The following GPC4 variants were observed in gnomAD, a reference collection of about 807,000 sequenced individuals.
The protein encoded by GPC4 is glypican 4, also known as glypican-4.
GPC4 carries 10 observed loss-of-function variants against 35.0 expected under a neutral mutation model. The ratio of observed to expected loss-of-function variants is 0.29; its 90% CI spans 0.18 to 0.48. GPC4 has a LOEUF of 0.48. Ranked by LOEUF, GPC4 falls within the 20% of genes least tolerant of loss-of-function variation. GPC4 has a pLI of 0.99. For missense variants in GPC4, 322 were observed against 451.3 expected, an observed-to-expected ratio of 0.71 and a Z score of 2.60; for synonymous variants, 167 against 170.2, an observed-to-expected ratio of 0.98 and a Z score of 0.15.
intron 1 of GPC4, among the ~76,000 whole-genome samples, chrX:133,349,427 A>G (rs1299334247): frequency 1.8e-5 from 2 of 112,630 alleles, no homozygotes; most frequent in African/African-American, 3.2e-5. Flanking sequence ...ATTCTCAGAT[A>G]GCCTGCCACA....
At chrX:133,353,001 GAA>G (rs2068523542) in intron 1 of GPC4, among the ~76,000 whole-genome samples, 1 of 111,905 alleles carries the variant, frequency 8.9e-6, no homozygotes, top group African/African-American at 3.3e-5. Context: ...GAAGAAGATG[GAA>G]AAGTTATTGC....
Position 133,365,056 on chromosome X carries a change from T to C in GPC4, c.161-25715A>G, listed in dbSNP as rs981842910. Among the ~76,000 whole-genome samples the C allele has an allele frequency of 4.5e-5, 5 of 112,020 alleles. No individual in the cohort carries two copies. In the South Asian group the frequency reaches 1.9e-3, roughly 42 times the overall value. Reference sequence around the variant, plus strand: ...GATTTCTTTTCTCTCTGAAAATTCTTTTTATTCATTACTCAGGCTGCTGGG... The same window carrying C: ...GATTTCTTTTCTCTCTGAAAATTCTCTTTATTCATTACTCAGGCTGCTGGG... On this transcript the variant is annotated intron_variant, in intron 1 of 8. Transcript: ENST00000370828.
intron 1 of GPC4, among the ~76,000 whole-genome samples, chrX:133,361,533 G>A (rs1283151891): frequency 9.2e-6 from 1 of 108,246 alleles, no homozygotes; most frequent in Non-Finnish European, 1.9e-5. Context: ...AGACAACTTG[G>A]ACTCAATGGA....
intron 2 of GPC4, among the ~76,000 whole-genome samples, chrX:133,332,442 C>T (rs1258444952): frequency 1.8e-5 from 2 of 111,374 alleles, no homozygotes; most frequent in African/African-American, 3.3e-5. Context: ...CTCTGTCACC[C>T]AGGCTGGAGT....
intron 1 of GPC4, among the ~76,000 whole-genome samples, chrX:133,390,042 T>C (rs930473207): frequency 1.8e-5 from 2 of 110,964 alleles, no homozygotes; most frequent in African/African-American, 6.5e-5. Context: ...TTCCAGGCAC[T>C]GGCTGAGGCA....
At chrX:133,384,193 C>A (rs370515536) in intron 1 of GPC4, among the ~76,000 whole-genome samples, 1 of 111,625 alleles carries the variant, frequency 9.0e-6, no homozygotes, top group Admixed American at 9.5e-5. Context: ...TAAAAAGGAG[C>A]CATACAGCCT....
intron 2 of GPC4, among the ~76,000 whole-genome samples, chrX:133,337,528 G>A (rs1443608920): frequency 2.7e-5 from 3 of 111,661 alleles, no homozygotes; most frequent in Non-Finnish European, 5.6e-5. Flanking sequence ...CCACTACATT[G>A]TGCTGCCAAC....
intron 4 of GPC4, 146 bp from the exon 5 acceptor site, chrX:133,306,300 T>G: frequency 1.6e-6 from 1 of 613,478 alleles, no homozygotes; most frequent in Non-Finnish European, 2.5e-6. Flanking sequence ...AATTCTTGTT[T>G]TTATGTCTAT....
intron 3 of GPC4, among the ~76,000 whole-genome samples, chrX:133,322,172 G>A (rs1057289429): frequency 1.8e-5 from 2 of 111,722 alleles, no homozygotes; most frequent in African/African-American, 3.3e-5. Context: ...TGGCCAGCAC[G>A]GTGGCTCATG....
chrX:133,328,260 G>A (rs1274858076), intron 2 of GPC4, among the ~76,000 whole-genome samples: 1 of 111,321 alleles, frequency 9.0e-6, no homozygotes, highest in Non-Finnish European at 1.9e-5. Flanking sequence ...CTTTTTAGAT[G>A]GATTCTTACT....
At chrX:133,413,930 C>A (rs1319701674) in intron 1 of GPC4, among the ~76,000 whole-genome samples, 1 of 110,929 alleles carries the variant, frequency 9.0e-6, no homozygotes, top group Non-Finnish European at 1.9e-5. Context: ...CCCACCGGCG[C>A]CAAAATCCGG....
rs2068289984 is a variant in GPC4, at chrX:133,306,098, T to C, written c.934A>G (p.Met312Val). The C allele has an allele frequency of 1.8e-5, 22 of 1,210,747 alleles. No individual in the cohort carries two copies. Among genetic ancestry groups the C allele is most frequent in the Non-Finnish European group, 2.5e-5 (22 of 894,635 alleles). Residue 312 changes from methionine to valine, a missense_variant, in exon 5 of 9, where the codon ATG becomes GTG. This residue lies in a region of GPC4 where 163 missense variants were observed against 277.2 expected (regional missense o/e 0.59). Coordinates refer to ENST00000370828, the MANE Select transcript of GPC4 (RefSeq NM_001448.3). ...GAAATCTTCACATCGATGGGATCCA[T>C]GACCGATTCAATGTTGAAAGGACCC... ...LEGPFNIESV[M>V]DPIDVKISDA...
At chrX:133,411,833 G>T (rs961043318) in intron 1 of GPC4, among the ~76,000 whole-genome samples, 10 of 110,984 alleles carry the variant, frequency 9.0e-5, no homozygotes, top group Admixed American at 5.8e-4. Flanking sequence ...AAGTACAGGG[G>T]TCAAGCAGAC....
chrX:133,333,882 T>C (rs1370857792), intron 2 of GPC4, among the ~76,000 whole-genome samples: 7 of 112,848 alleles, frequency 6.2e-5, no homozygotes, highest in Admixed American at 9.4e-5. Flanking sequence ...TTGTATATTA[T>C]GCTATGCATA....
At chrX:133,345,295 C>G (rs1181894610) in intron 1 of GPC4, among the ~76,000 whole-genome samples, 1 of 111,821 alleles carries the variant, frequency 8.9e-6, no homozygotes, top group Non-Finnish European at 1.9e-5. Context: ...AACAAGGAGG[C>G]ATTATGTAAA....
chrX:133,414,498 G>C (rs952954120), intron 1 of GPC4: 12 of 751,759 alleles, frequency 1.6e-5, no homozygotes, highest in Non-Finnish European at 1.9e-5. Flanking sequence ...TTCCCGGGAC[G>C]GCGAATAATG....
intron 1 of GPC4, among the ~76,000 whole-genome samples, chrX:133,342,347 A>G (rs2068471082): frequency 9.0e-6 from 1 of 111,222 alleles, no homozygotes; most frequent in Non-Finnish European, 1.9e-5. Context: ...TGCAATATCT[A>G]ATTTTAAAAA....
chrX:133,370,694 A>T (rs1379067393), intron 1 of GPC4, among the ~76,000 whole-genome samples: 1 of 111,177 alleles, frequency 9.0e-6, no homozygotes, highest in African/African-American at 3.3e-5. Flanking sequence ...TCCAGAAGCC[A>T]CTTACAGATT....
chrX:133,347,258 T>G (rs1398992259), intron 1 of GPC4, among the ~76,000 whole-genome samples: 1 of 89,397 alleles, frequency 1.1e-5, no homozygotes, highest in Non-Finnish European at 2.1e-5. Flanking sequence ...GTTTTTTTTT[T>G]TTTTTTTTTT....
Sources: allele counts gnomAD v4.1 joint callset (sites outside exome capture counted in the v4.1 genomes callset), GRCh38; gene constraint gnomAD v4.1.1; regional missense constraint gnomAD v4.1.1; transcripts MANE v1.5; gene names NCBI Gene and HGNC (gene_info 2026-07-23, HGNC 2026-07-21).